Variants in CACNA1I observed in about 807,000 individuals in gnomAD.
CACNA1I encodes the protein calcium voltage-gated channel subunit alpha1 I.
In CACNA1I, 74 loss-of-function variants were observed where a neutral mutation model predicts 201.6. The ratio of observed to expected loss-of-function variants is 0.37; its 90% confidence interval spans 0.30 to 0.45. CACNA1I has a LOEUF of 0.45. Ranked by LOEUF, CACNA1I falls within the 20% of genes least tolerant of loss-of-function variation. The pLI is 1.00. For synonymous variants in CACNA1I, 1,431 were observed against 1,345.2 expected, an observed-to-expected ratio of 1.06 and a Z score of -1.40; for missense variants, 2,346 against 3,138.1, an observed-to-expected ratio of 0.75 and a Z score of 6.03.
intron 3 of CACNA1I, among the ~76,000 whole-genome samples, chr22:39,609,132 C>T (rs1933309099): frequency 6.6e-6 from 1 of 152,228 alleles, no homozygotes; most frequent in African/African-American, 2.4e-5. Flanking sequence ...TGAGTGCTCA[C>T]ACCGTGCATC....
intron 28 of CACNA1I, among the ~76,000 whole-genome samples, chr22:39,673,545 C>T (rs1423773810): frequency 6.6e-6 from 1 of 152,198 alleles, no homozygotes; most frequent in Non-Finnish European, 1.5e-5. Flanking sequence ...TGCCTCAGGG[C>T]GAGCCCAGGT....
rs1263028553 is a variant in CACNA1I, at chr22:39,686,413, AG to A, written c.*12del. 1.6e-6 allele frequency: 2 copies of A among 1,230,728 alleles called. No homozygotes were observed. Among genetic ancestry groups the A allele is most frequent in the Non-Finnish European group, 1.0e-6 (1 of 982,414 alleles). The allele number at this position is 1,230,728 out of a possible 1,614,324, so 76.2% of individuals were successfully genotyped here. A position where few individuals can be genotyped will look rare whatever the true frequency, so the allele number is the denominator to read the frequency against. ...AGCAAGAGGAAGAGATGAGGGTCGC[AG>A]GGGCCCCCGGCCGCCCACCGCCCGC... On this transcript the variant is annotated 3_prime_UTR_variant, in exon 37 of 37. Transcript: ENST00000402142.
chr22:39,628,051 A>G (rs997236887), intron 4 of CACNA1I, among the ~76,000 whole-genome samples: 1 of 152,162 alleles, frequency 6.6e-6, no homozygotes, highest in African/African-American at 2.4e-5. Flanking sequence ...GGGGTGGGGC[A>G]GGGCAAAGGC....
chr22:39,630,674 G>A (rs1024617525), intron 4 of CACNA1I, among the ~76,000 whole-genome samples: 26 of 152,356 alleles, frequency 1.7e-4, no homozygotes, highest in African/African-American at 5.0e-4. Context: ...GATGGAGGGC[G>A]GGTGGGCAGC....
At position 39,589,950 on chromosome 22, in the gene CACNA1I, G is replaced by C. The variant is rs527487953; in HGVS notation, c.237-8201G>C. Among the ~76,000 whole-genome samples, 328 of 150,330 alleles carry C rather than the reference G, an allele frequency of 2.2e-3. 4 individuals carry two copies. The highest frequency in any genetic ancestry group is 4.1e-3 in the Non-Finnish European group (275 of 67,530). On this transcript the variant is annotated intron_variant, in intron 1 of 36. Coordinates refer to ENST00000402142, the MANE Select transcript of CACNA1I (RefSeq NM_021096.4). Reference sequence around the variant, plus strand: ...AATAAAAACAAACTTGGCCACCCCCGCCAAACCCAGCACTCCCGCCCCCAC... The same window carrying C: ...AATAAAAACAAACTTGGCCACCCCCCCCAAACCCAGCACTCCCGCCCCCAC...
intron 4 of CACNA1I, among the ~76,000 whole-genome samples, chr22:39,632,458 G>C (rs1934091955): frequency 6.6e-6 from 1 of 152,206 alleles, no homozygotes; most frequent in South Asian, 2.1e-4. Context: ...TGCTGGCCAA[G>C]GCTTCGCATC....
chr22:39,576,176 A>C (rs1932343728), intron 1 of CACNA1I, among the ~76,000 whole-genome samples: 1 of 152,164 alleles, frequency 6.6e-6, no homozygotes, highest in African/African-American at 2.4e-5. Flanking sequence ...CAGTTTTCTT[A>C]TCTCTTTAAT....
At chr22:39,674,633 C>T (rs1935467960) in intron 29 of CACNA1I, among the ~76,000 whole-genome samples, 1 of 152,116 alleles carries the variant, frequency 6.6e-6, no homozygotes, top group South Asian at 2.1e-4. Context: ...CTTTTTCATC[C>T]TCCCGAGAAT....
Position 39,668,275 on chromosome 22 carries a change from C to T in CACNA1I, c.4105-17C>T. The T allele has an allele frequency of 6.4e-7, 1 of 1,567,348 alleles. No homozygotes were observed. Among genetic ancestry groups the T allele is most frequent in the South Asian group, 1.1e-5 (1 of 89,952 alleles). On this transcript the variant is annotated splice_polypyrimidine_tract_variant and intron_variant, in intron 23 of 36. Transcript: ENST00000402142. ...CACAGTCCTCACCCCTGCATTCCGC[C>T]TCCCCATGTCTCCCAGGCTCTGATG...
At chr22:39,657,732 G>A (rs1199135718) in intron 10 of CACNA1I, among the ~76,000 whole-genome samples, 5 of 152,350 alleles carry the variant, frequency 3.3e-5, no homozygotes, top group African/African-American at 4.8e-5. Flanking sequence ...TTCCCGGCAC[G>A]TGGTAAGTGC....
At position 39,662,659 on chromosome 22, in the gene CACNA1I, G is replaced by C. The variant is rs147004463; in HGVS notation, c.3373-117G>C. 6.4e-6 allele frequency: 5 copies of C among 777,818 alleles called. No individual in the cohort carries two copies. In the South Asian group the frequency reaches 8.2e-5, roughly 13 times the overall value. The allele number at this position is 777,818 out of a possible 1,614,324, so 48.2% of individuals were successfully genotyped here. Reference sequence around the variant, plus strand: ...AGAGAAGCCCTCCCTGGCTGCCCCCGGGGGGCAGAGAGTTCGGAGGTGACC... The same window carrying C: ...AGAGAAGCCCTCCCTGGCTGCCCCCCGGGGGCAGAGAGTTCGGAGGTGACC... On this transcript the variant is annotated intron_variant, in intron 17 of 36. Transcript: ENST00000402142.
intron 1 of CACNA1I, among the ~76,000 whole-genome samples, chr22:39,588,389 T>TTTC (rs1569049351): frequency 5.6e-5 from 8 of 142,896 alleles, no homozygotes; most frequent in Non-Finnish European, 9.1e-5. Flanking sequence ...TTCTTTCTTT[T>TTTC]TTTTTTTTTT....
intron 1 of CACNA1I, among the ~76,000 whole-genome samples, chr22:39,572,042 C>T (rs1390279215): frequency 6.6e-6 from 1 of 152,114 alleles, no homozygotes; most frequent in Non-Finnish European, 1.5e-5. Context: ...GAGTTGCAGG[C>T]AGTGTTGGAG....
chr22:39,677,416 C>A lies in CACNA1I; in HGVS notation c.4930C>A (p.Leu1644Met), dbSNP rs866233953. The A allele has an allele frequency of 2.3e-5, 36 of 1,572,138 alleles. No individual in the cohort carries two copies. In the East Asian group the frequency reaches 8.0e-4, roughly 35 times the overall value. ...AALGVELFGKLVCNDENPCEG... is the reference protein window; with the variant it reads ...AALGVELFGKMVCNDENPCEG... ...TCTCGGGGTGGAGCTCTTTGGGAAG[C>A]TGGGTGAGTGACTCCCAGAGCAGGC... Residue 1644 changes from leucine to methionine, a missense_variant, in exon 30 of 37, where the codon CTG becomes ATG. Around this residue, in one of 13 missense-constraint regions of CACNA1I, gnomAD observed 50 missense variants for 43.6 expected, o/e 1.15. Transcript: ENST00000402142. This position sits in a 1 kb window ranked among gnomAD's most constrained non-coding sequence, Gnocchi z 4.8.
intron 34 of CACNA1I, among the ~76,000 whole-genome samples, chr22:39,681,331 C>CG (rs1045280397): frequency 2.2e-4 from 34 of 152,304 alleles, no homozygotes; most frequent in African/African-American, 7.9e-4. Context: ...GTCCATTCCA[C>CG]GGGGGGTCAT....
intron 4 of CACNA1I, 23 bp from the exon 5 acceptor site, chr22:39,634,541 TC>T: frequency 6.2e-7 from 1 of 1,613,282 alleles, no homozygotes; most frequent in Non-Finnish European, 8.5e-7. Flanking sequence ...TGTCTGACCA[TC>T]CCTCCACCTT....
At chr22:39,589,950 G>A (rs527487953) in intron 1 of CACNA1I, among the ~76,000 whole-genome samples, 1 of 150,246 alleles carries the variant, frequency 6.7e-6, no homozygotes, top group Non-Finnish European at 1.5e-5. Flanking sequence ...GGCCACCCCC[G>A]CCAAACCCAG....
chr22:39,614,648 G>A (rs940496803), intron 3 of CACNA1I, among the ~76,000 whole-genome samples: 1 of 152,220 alleles, frequency 6.6e-6, no homozygotes, highest in African/African-American at 2.4e-5. Context: ...CCAGCTGGGG[G>A]CATGGGATCC....
intron 10 of CACNA1I, among the ~76,000 whole-genome samples, chr22:39,655,867 C>G (rs889573413): frequency 2.0e-5 from 3 of 152,196 alleles, no homozygotes; most frequent in Non-Finnish European, 2.9e-5. Flanking sequence ...GGAGGAGGCG[C>G]GGGGTGACCT....
Sources: gnomAD v4.1 joint callset for allele counts (sites outside exome capture counted in the v4.1 genomes callset) on GRCh38, gnomAD v4.1.1 for gene constraint, gnomAD v4.1.1 regional missense constraint, Gnocchi (gnomAD v3.1) non-coding constraint, MANE v1.5 for transcripts, NCBI Gene and HGNC (gene_info 2026-07-23, HGNC 2026-07-21) for gene names.